The following SIPA1L1 variants were observed in gnomAD, a reference collection of about 807,000 sequenced individuals.
The protein encoded by SIPA1L1 is signal induced proliferation associated 1 like 1, also known as signal-induced proliferation-associated 1-like protein 1.
Under a neutral mutation model 162.7 loss-of-function variants are expected in SIPA1L1, and 26 were observed. That is an observed-to-expected ratio of 0.16 (90% CI 0.12 to 0.22). SIPA1L1 has a LOEUF of 0.22. SIPA1L1 is among the 10% of genes least tolerant of loss of function. The probability of loss-of-function intolerance (pLI) is 1.00; values close to 1 mark genes in which losing one functional copy is unlikely to be tolerated. For missense variants in SIPA1L1, 1,874 were observed against 2,241.0 expected (o/e 0.84, Z 3.31); for synonymous variants, 829 against 837.4 (o/e 0.99, Z 0.17).
At chr14:71,510,917 C>T (rs1196062956) in intron 2 of SIPA1L1, among the ~76,000 whole-genome samples, 1 of 152,172 alleles carries the variant, frequency 6.6e-6, no homozygotes, top group Non-Finnish European at 1.5e-5. Context: ...AGCCCTCCTC[C>T]CCTTTCCCCA....
intron 2 of SIPA1L1, among the ~76,000 whole-genome samples, chr14:71,381,539 T>G (rs767674957): frequency 1.3e-5 from 2 of 152,220 alleles, no homozygotes; most frequent in Admixed American, 1.3e-4. Flanking sequence ...ACTGAATGTT[T>G]GTATTTGTTG....
At position 71,698,509 on chromosome 14, in the gene SIPA1L1, A is replaced by G. The variant is rs192657095; in HGVS notation, c.3375-472A>G. Among the ~76,000 whole-genome samples the G allele has an allele frequency of 2.2e-3, 334 of 152,384 alleles. 3 individuals carry two copies. Among genetic ancestry groups the G allele is most frequent in the African/African-American group, 7.5e-3 (312 of 41,592 alleles). On this transcript the variant is annotated intron_variant, in intron 13 of 23. Transcript: ENST00000381232. ...AAATACTAAATAGCAAAATCTGAAT[A>G]TTCATTCCAGAGTGTGAATAATAAA...
At chr14:71,658,248 C>T (rs1410624264) in intron 8 of SIPA1L1, 85 bp from the exon 9 acceptor site, 3 of 720,840 alleles carry the variant, frequency 4.2e-6, no homozygotes, top group Admixed American at 2.6e-5. Flanking sequence ...TTCTTTTCTT[C>T]TCTTTTCTTT....
chr14:71,463,689 C>G (rs1226030507), intron 2 of SIPA1L1, among the ~76,000 whole-genome samples: 1 of 152,126 alleles, frequency 6.6e-6, no homozygotes. Flanking sequence ...TGGCTCAAGT[C>G]CGGAAATTGA....
At chr14:71,416,753 GCATGCACACACA>G (rs1566994768) in intron 2 of SIPA1L1, among the ~76,000 whole-genome samples, 15 of 115,046 alleles carry the variant, frequency 1.3e-4, no homozygotes, top group Middle Eastern at 4.0e-3. Context: ...ACACACACAC[GCATGCACACACA>G]CACAACCTTG....
At position 71,589,221 on chromosome 14, in the gene SIPA1L1, C is replaced by T. The variant is rs1417065877; in HGVS notation, c.1349C>T (p.Thr450Ile). ...SGCESASFES[T>I]LSSHCTNAGV... The stretch of plus-strand genomic sequence containing the variant: ...TGTGAAAGTGCCTCCTTTGAGTCTA[C>T]CCTTAGTTCCCATTGCACAAATGCA... Residue 450 changes from threonine to isoleucine, a missense_variant, in exon 5 of 24, where the codon ACC becomes ATC. Coordinates refer to ENST00000381232, the MANE Select transcript of SIPA1L1 (RefSeq NM_001386936.1). The T allele has an allele frequency of 4.3e-6, 7 of 1,614,082 alleles. No individual in the cohort carries two copies. The East Asian group carries it at 1.6e-4, about 36-fold the overall frequency.
chr14:71,581,392 C>G (rs753045463), intron 4 of SIPA1L1, among the ~76,000 whole-genome samples: 4 of 152,160 alleles, frequency 2.6e-5, no homozygotes, highest in Non-Finnish European at 5.9e-5. Flanking sequence ...GTGATATATA[C>G]AGTGTATTAC....
intron 2 of SIPA1L1, among the ~76,000 whole-genome samples, chr14:71,424,731 C>T (rs1215829957): frequency 6.6e-6 from 1 of 151,940 alleles, no homozygotes; most frequent in Non-Finnish European, 1.5e-5. Context: ...CTCCAATTTT[C>T]TTGTAGTATC....
chr14:71,701,399 T>TG (rs1411343630), intron 14 of SIPA1L1, among the ~76,000 whole-genome samples: 1 of 151,944 alleles, frequency 6.6e-6, no homozygotes, highest in Non-Finnish European at 1.5e-5. Context: ...TTTTTTTTTT[T>TG]TGTGGAGCCT....
intron 2 of SIPA1L1, among the ~76,000 whole-genome samples, chr14:71,343,783 G>A (rs1462855764): frequency 6.6e-6 from 1 of 152,172 alleles, no homozygotes; most frequent in Non-Finnish European, 1.5e-5. Context: ...GGGAAGGGAT[G>A]TCTGGGAGTT....
chr14:71,370,720 C>T (rs1191565223), intron 2 of SIPA1L1, among the ~76,000 whole-genome samples: 4 of 152,092 alleles, frequency 2.6e-5, no homozygotes, highest in Admixed American at 6.5e-5. Flanking sequence ...GGCCAACTTG[C>T]GTGCCCAAGG....
At chr14:71,690,256 A>C (rs1160808518) in intron 13 of SIPA1L1, among the ~76,000 whole-genome samples, 2 of 151,532 alleles carry the variant, frequency 1.3e-5, no homozygotes, top group Non-Finnish European at 2.9e-5. Flanking sequence ...CATTTCTTTA[A>C]TTATTTTTTT....
chr14:71,465,306 T>G (rs2046911304), intron 2 of SIPA1L1, among the ~76,000 whole-genome samples: 1 of 152,228 alleles, frequency 6.6e-6, no homozygotes, highest in East Asian at 1.9e-4. Context: ...CTACAGCAGA[T>G]AAGACTCTCA....
intron 20 of SIPA1L1, among the ~76,000 whole-genome samples, chr14:71,732,013 G>C (rs1199120533): frequency 6.6e-6 from 1 of 152,168 alleles, no homozygotes; most frequent in East Asian, 1.9e-4. Context: ...AGGGCAGAAG[G>C]GTTGTGAGTT....
intron 4 of SIPA1L1, among the ~76,000 whole-genome samples, chr14:71,543,464 A>C (rs1204901179): frequency 6.6e-6 from 1 of 152,152 alleles, no homozygotes. Flanking sequence ...AAACTGCCCA[A>C]CTGTTTTTCT....
At chr14:71,470,494 A>G (rs1175879200) in intron 2 of SIPA1L1, among the ~76,000 whole-genome samples, 2 of 152,172 alleles carry the variant, frequency 1.3e-5, no homozygotes, top group East Asian at 3.8e-4. Flanking sequence ...GTGAAAAAAT[A>G]TACATATCTA....
chr14:71,378,996 C>G (rs753129000), intron 2 of SIPA1L1, among the ~76,000 whole-genome samples: 1 of 152,110 alleles, frequency 6.6e-6, no homozygotes, highest in Non-Finnish European at 1.5e-5. Flanking sequence ...CCTTATTGAT[C>G]TAGTTCTTCT....
chr14:71,648,304 A>G (rs1411035899), intron 7 of SIPA1L1, among the ~76,000 whole-genome samples: 3 of 152,146 alleles, frequency 2.0e-5, no homozygotes, highest in Non-Finnish European at 4.4e-5. Context: ...TCAAAAATAT[A>G]TATATATATC....
At chr14:71,649,622 C>T (rs1316177123) in intron 7 of SIPA1L1, among the ~76,000 whole-genome samples, 2 of 152,190 alleles carry the variant, frequency 1.3e-5, no homozygotes, top group African/African-American at 4.8e-5. Context: ...AAGTAAATCT[C>T]TTAATCCTTC....
Sources: allele counts gnomAD v4.1 joint callset (sites outside exome capture counted in the v4.1 genomes callset), GRCh38; gene constraint gnomAD v4.1.1; transcripts MANE v1.5; gene names NCBI Gene and HGNC (gene_info 2026-07-23, HGNC 2026-07-21).